The following TTYH2 variants were observed in gnomAD, a reference collection of about 807,000 sequenced individuals.
TTYH2 encodes protein tweety homolog 2.
A neutral mutation model predicts 68.3 loss-of-function variants in TTYH2; 49 were observed. The observed-to-expected ratio is 0.72, with a 90% CI of 0.57 to 0.91. TTYH2 has a LOEUF of 0.91. TTYH2 is among the 40% of genes least tolerant of loss of function. The pLI, the probability that TTYH2 is intolerant of heterozygous loss-of-function variation, is 0.00. For synonymous variants in TTYH2, 272 were observed against 300.8 expected (o/e 0.90, Z 0.99); for missense variants, 631 against 700.4 (o/e 0.90, Z 1.12).
intron 13 of TTYH2, among the ~76,000 whole-genome samples, chr17:74,256,316 G>A (rs963622108): frequency 5.9e-5 from 9 of 152,168 alleles, no homozygotes; most frequent in African/African-American, 2.2e-4. Context: ...TGGAGGCTGG[G>A]GATGGGGGCT....
intron 2 of TTYH2, among the ~76,000 whole-genome samples, chr17:74,224,024 C>G (rs1483497054): frequency 1.3e-5 from 2 of 152,194 alleles, no homozygotes; most frequent in Middle Eastern, 6.3e-3. Context: ...ATAAGAGACT[C>G]AGAGGACAGA....
intron 1 of TTYH2, among the ~76,000 whole-genome samples, chr17:74,219,403 A>AAAAAG (rs1241503126): frequency 2.0e-5 from 3 of 149,550 alleles, no homozygotes; most frequent in African/African-American, 7.7e-5. Context: ...AAAAAAAAAA[A>AAAAAG]GAATAACTTA....
chr17:74,233,607 G>A (rs1263393907), intron 3 of TTYH2, among the ~76,000 whole-genome samples: 5 of 152,148 alleles, frequency 3.3e-5, no homozygotes, highest in African/African-American at 1.2e-4. Context: ...TGGCCAACAA[G>A]AAGCCCTCTA....
At chr17:74,218,931 G>A (rs1285840807) in intron 1 of TTYH2, among the ~76,000 whole-genome samples, 3 of 152,154 alleles carry the variant, frequency 2.0e-5, no homozygotes, top group African/African-American at 7.2e-5. Context: ...ACATTTTTGT[G>A]TTATTAGGAA....
chr17:74,244,855 A>AGTGTGTGTGTGTGTGTGTGTGTGT (rs58119512), intron 6 of TTYH2, among the ~76,000 whole-genome samples: 12 of 149,924 alleles, frequency 8.0e-5, no homozygotes, highest in African/African-American at 2.7e-4. Context: ...GTGGAGGTGC[A>AGTGTGTGTGTGTGTGTGTGTGTGT]GTGTGTGTGT....
In TTYH2 at chr17:74,237,343, C is replaced by T. The variant is rs1178537924; in HGVS notation, c.464C>T (p.Ala155Val). ...KMKVDLEQHL[A>V]RLSEIFAARG... ...AAGGTGGACCTAGAGCAGCACCTGG[C>T]CCGGCTCAGTGAGATCTTTGCTGCC... The change falls in exon 4 of 14, where the codon GCC becomes GTC. Residue 155 changes from alanine to valine, a missense_variant. Transcript: ENST00000269346. The T allele has an allele frequency of 1.2e-6, 2 of 1,614,178 alleles. No homozygotes were observed.
chr17:74,252,264 T>C lies in TTYH2; in HGVS notation c.1147T>C (p.Tyr383His). ...DYLDALAGICYDGLQGLLYLG... is the reference protein window; with the variant it reads ...DYLDALAGICHDGLQGLLYLG... ...TCTGGACGCTCTTGCTGGCATCTGC[T>C]ACGACGGCCTCCAGGGCTTGCTGTA... is the stretch of plus-strand genomic sequence containing the variant. The change falls in exon 11 of 14, where the codon TAC (tyrosine) becomes CAC (histidine). Residue 383 changes from tyrosine to histidine, a missense_variant. By Grantham distance (83) the Tyr-to-His change is moderately conservative. Coordinates refer to ENST00000269346, the MANE Select transcript of TTYH2 (RefSeq NM_032646.6). 1 of 1,613,562 alleles carries C rather than the reference T, an allele frequency of 6.2e-7. No individual in the cohort carries two copies. Among genetic ancestry groups the C allele is most frequent in the South Asian group, 1.1e-5 (1 of 91,084 alleles).
intron 13 of TTYH2, among the ~76,000 whole-genome samples, chr17:74,255,681 C>A (rs1335805552): frequency 6.6e-6 from 1 of 152,102 alleles, no homozygotes; most frequent in Non-Finnish European, 1.5e-5. Flanking sequence ...AGGTGATCCA[C>A]CCATCTTGGC....
At chr17:74,244,884 T>TGTGTG (rs1567818120) in intron 6 of TTYH2, among the ~76,000 whole-genome samples, 4 of 120,962 alleles carry the variant, frequency 3.3e-5, no homozygotes, top group African/African-American at 1.5e-4. Flanking sequence ...GTGTGTGTGT[T>TGTGTG]TGTGTGTGTG....
At chr17:74,218,216 T>G (rs1841582188) in intron 1 of TTYH2, among the ~76,000 whole-genome samples, 2 of 152,070 alleles carry the variant, frequency 1.3e-5, no homozygotes, top group South Asian at 4.1e-4. Flanking sequence ...CTCTTTTCCC[T>G]CCTCCTTCCT....
chr17:74,222,049 C>A lies in TTYH2; in HGVS notation c.130-436C>A, dbSNP rs1327836051. ...ACTCAGCGCCCGAGGCCTCTGGGTA[C>A]TCTGGTCTTGGACGGTATCCCTCTC... On this transcript the variant is annotated intron_variant, in intron 1 of 13. Transcript: ENST00000269346. This position sits in a 1 kb window ranked among gnomAD's most constrained non-coding sequence, Gnocchi z 5.2. Among the ~76,000 whole-genome samples the A allele has an allele frequency of 1.3e-5, 2 of 152,158 alleles. No homozygotes were observed. The highest frequency in any genetic ancestry group is 2.9e-5 in the Non-Finnish European group (2 of 68,020).
rs1023040887 is a variant in TTYH2 at position 74,241,102 on chromosome 17, C to G, written c.636-2272C>G. On this transcript the variant is annotated intron_variant, in intron 4 of 13. Coordinates refer to ENST00000269346, the MANE Select transcript of TTYH2 (RefSeq NM_032646.6). The surrounding 1 kb of genome is among the most constrained non-coding windows in gnomAD (Gnocchi z 4.1). ...TGGAATTTCTGGGCCAGGCTCTCCC[C>G]ACCAGGGGCCTTGGCTTTCTAATCT... is the stretch of plus-strand genomic sequence containing the variant. The G allele has an allele frequency of 1.3e-5, 2 of 152,206 alleles. No individual in the cohort carries two copies. The highest frequency in any genetic ancestry group is 6.5e-5 in the Admixed American group (1 of 15,280). 9.4% of individuals were successfully genotyped at this position (152,206 alleles called of 1,614,324 possible). A position where few individuals can be genotyped will look rare whatever the true frequency, so the allele number is the denominator to read the frequency against.
chr17:74,222,624 C>T lies in TTYH2; in HGVS notation c.269C>T (p.Thr90Ile). The T allele has an allele frequency of 6.2e-7, 1 of 1,611,208 alleles. No individual in the cohort carries two copies. The highest frequency in any genetic ancestry group is 8.5e-7 in the Non-Finnish European group (1 of 1,179,880). ...AAGCAGCACCACTCCTGCTGCATCA[C>T]CTGGACGGCCGTGGTGGCCGGGCTC... Reference protein sequence around the residue: ...QTKQHHSCCITWTAVVAGLIC... With the variant: ...QTKQHHSCCIIWTAVVAGLIC... The change falls in exon 2 of 14, where the codon ACC (threonine) becomes ATC (isoleucine). Residue 90 changes from threonine (T) to isoleucine (I), a missense_variant. Physicochemically the swap from Thr to Ile is moderately conservative, Grantham distance 89. Coordinates refer to ENST00000269346, the MANE Select transcript of TTYH2 (RefSeq NM_032646.6). The surrounding 1 kb of genome is among the most constrained non-coding windows in gnomAD (Gnocchi z 5.2).
chr17:74,250,363 TG>T lies in TTYH2; in HGVS notation c.1116+10del. Reference sequence around the variant, plus strand: ...ACTGCCGAGGGCTGCACAAGGTGCATGGGGACCCTGGGGTCACGTGGAGAGT... The same window carrying T: ...ACTGCCGAGGGCTGCACAAGGTGCATGGGACCCTGGGGTCACGTGGAGAGT... On this transcript the variant is annotated splice_region_variant and intron_variant, in intron 10 of 13. Transcript: ENST00000269346. 16 of 1,611,004 alleles carry T rather than the reference TG, an allele frequency of 9.9e-6. No individual in the cohort carries two copies. The highest frequency in any genetic ancestry group is 1.4e-5 in the Non-Finnish European group (16 of 1,178,166).
In TTYH2 at chr17:74,260,315, G is replaced by A. The variant is rs2050736737; in HGVS notation, c.*106G>A. 2.5e-6 allele frequency: 3 copies of A among 1,192,214 alleles called. No individual in the cohort carries two copies. The highest frequency in any genetic ancestry group is 1.5e-5 in the African/African-American group (1 of 66,928). The allele number at this position is 1,192,214 out of a possible 1,614,324, so 73.9% of individuals were successfully genotyped here. ...AACCAAAGGCATCTGGAGCCCGAGA[G>A]GCCTCCTGCTGTGGCAGAGGAGCAG... On this transcript the variant is annotated 3_prime_UTR_variant, in exon 14 of 14. Coordinates refer to ENST00000269346, the MANE Select transcript of TTYH2 (RefSeq NM_032646.6).
intron 3 of TTYH2, among the ~76,000 whole-genome samples, chr17:74,233,798 G>A (rs1042265069): frequency 6.6e-6 from 1 of 152,136 alleles, no homozygotes; most frequent in Non-Finnish European, 1.5e-5. Context: ...GTAGAGAGGA[G>A]TCGTTTTGGG....
intron 13 of TTYH2, among the ~76,000 whole-genome samples, chr17:74,255,374 G>A (rs1196781192): frequency 6.6e-6 from 1 of 152,226 alleles, no homozygotes; most frequent in African/African-American, 2.4e-5. Flanking sequence ...CCGTAGGACA[G>A]TGAGCTGTTA....
At chr17:74,230,814 G>C in intron 2 of TTYH2, 74 bp from the exon 3 acceptor site, 1 of 1,516,036 alleles carries the variant, frequency 6.6e-7, no homozygotes, top group South Asian at 1.2e-5. Flanking sequence ...CCAACCCTAA[G>C]CTTATTTTTT....
Position 74,253,827 on chromosome 17 carries a change from G to A in TTYH2, c.1518G>A (p.Pro506=), listed in dbSNP as rs147564130. The change falls in exon 13 of 14, where the codon CCG becomes CCA. Residue 506 remains proline (P), a synonymous_variant. Coordinates refer to ENST00000269346, the MANE Select transcript of TTYH2 (RefSeq NM_032646.6). The part of the protein sequence containing the change: ...NVPLIGRASP[P]PTYSPSMRAT... ...CACTAATCGGGAGAGCCTCCCCTCC[G>A]CCTACGGTAATTGGGGCTCTGGCCC... 1.6e-4 allele frequency: 266 copies of A among 1,614,182 alleles called. 2 individuals carry two copies. Among genetic ancestry groups the A allele is most frequent in the African/African-American group, 1.2e-3 (88 of 75,050 alleles).
Sources: gnomAD v4.1 joint callset for allele counts (sites outside exome capture counted in the v4.1 genomes callset) on GRCh38, gnomAD v4.1.1 for gene constraint, Gnocchi (gnomAD v3.1) non-coding constraint, MANE v1.5 for transcripts, NCBI Gene and HGNC (gene_info 2026-07-23, HGNC 2026-07-21) for gene names.